Variants in DMD observed in about 807,000 individuals in gnomAD.
DMD encodes the protein mutant dystrophin.
In DMD, 63 loss-of-function variants were observed where a neutral mutation model predicts 330.1. That is an observed-to-expected ratio of 0.19 (90% CI 0.16 to 0.24). The LOEUF is 0.24. DMD is among the 10% of genes least tolerant of loss of function. DMD has a pLI of 1.00. For missense variants in DMD, 3,344 were observed against 2,684.1 expected (o/e 1.25, Z -5.43); for synonymous variants, 1,223 against 959.8 (o/e 1.27, Z -5.07).
At chrX:31,593,383 T>C (rs1220793223) in intron 55 of DMD, among the ~76,000 whole-genome samples, 1 of 111,306 alleles carries the variant, frequency 9.0e-6, no homozygotes, top group East Asian at 2.8e-4. Context: ...GAGTAGTTTG[T>C]AAGAATTATG....
chrX:31,499,489 CTT>C (rs774151183), intron 56 of DMD, among the ~76,000 whole-genome samples: 13 of 83,641 alleles, frequency 1.6e-4, no homozygotes, highest in Admixed American at 1.4e-4. Flanking sequence ...GAATTCAGTT[CTT>C]TTTTTTTTTT....
chrX:32,736,267 C>A (rs1392367026), intron 7 of DMD, among the ~76,000 whole-genome samples: 2 of 111,389 alleles, frequency 1.8e-5, no homozygotes, highest in African/African-American at 3.3e-5. Context: ...CAGGAAACAA[C>A]AGGTGCTGGA....
chrX:32,335,984 TATATAACGTGTATATATAAC>T (rs2097710982), intron 41 of DMD, among the ~76,000 whole-genome samples: 2 of 32,491 alleles, frequency 6.2e-5, no homozygotes, highest in Non-Finnish European at 9.1e-5. Flanking sequence ...TAACATGTTA[TATATAACGTGTATATATAAC>T]GTTATATATA....
At chrX:32,609,728 G>A (rs1322412197) in intron 12 of DMD, among the ~76,000 whole-genome samples, 1 of 111,063 alleles carries the variant, frequency 9.0e-6, no homozygotes, top group Non-Finnish European at 1.9e-5. Flanking sequence ...GTTTCTAAGA[G>A]GCTACTTAGT....
intron 47 of DMD, among the ~76,000 whole-genome samples, chrX:31,901,448 C>A (rs974979358): frequency 9.0e-6 from 1 of 111,447 alleles, no homozygotes; most frequent in Admixed American, 9.6e-5. Flanking sequence ...TGGTCCAAGG[C>A]CATTTTGCTT....
chrX:32,628,339 G>T (rs1049005304), intron 11 of DMD, among the ~76,000 whole-genome samples: 1 of 67,554 alleles, frequency 1.5e-5, no homozygotes, highest in Non-Finnish European at 2.6e-5. Context: ...TTGTTTTTCT[G>T]TGCCGGGCTT....
At chrX:32,762,795 G>T (rs982075283) in intron 7 of DMD, among the ~76,000 whole-genome samples, 1 of 110,922 alleles carries the variant, frequency 9.0e-6, no homozygotes, top group Non-Finnish European at 1.9e-5. Flanking sequence ...ATTTTTCTAA[G>T]TACAATGTAG....
At chrX:33,143,076 A>G (rs754306891) in intron 1 of DMD, among the ~76,000 whole-genome samples, 4 of 111,823 alleles carry the variant, frequency 3.6e-5, no homozygotes, top group Non-Finnish European at 5.6e-5. Context: ...TATTATCATA[A>G]TCATCAAGGT....
intron 1 of DMD, among the ~76,000 whole-genome samples, chrX:33,287,034 A>G (rs2053443799): frequency 8.9e-6 from 1 of 111,932 alleles, no homozygotes; most frequent in African/African-American, 3.2e-5. Context: ...ACACGCTGCC[A>G]TGGAATGCCA....
intron 40 of DMD, chrX:32,342,748 AAATCTATAGAGAGTGAACACTG>A: frequency 1.0e-5 from 3 of 291,672 alleles, no homozygotes; most frequent in Non-Finnish European, 1.9e-5. Flanking sequence ...ATATGCAAAT[AAATCTATAGAGAGTGAACACTG>A]ATGTGTGAAG....
intron 16 of DMD, among the ~76,000 whole-genome samples, chrX:32,563,176 T>C (rs2051246013): frequency 9.2e-6 from 1 of 108,718 alleles, no homozygotes; most frequent in African/African-American, 3.4e-5. Context: ...CCATCTCTAC[T>C]AAAATTACAA....
intron 30 of DMD, among the ~76,000 whole-genome samples, chrX:32,409,511 A>C (rs1174390013): frequency 1.8e-5 from 2 of 111,633 alleles, no homozygotes; most frequent in African/African-American, 6.5e-5. Flanking sequence ...ATAAGAAAAA[A>C]CACACAGTGC....
At chrX:33,134,537 C>T (rs899363770) in intron 1 of DMD, among the ~76,000 whole-genome samples, 1 of 111,434 alleles carries the variant, frequency 9.0e-6, no homozygotes, top group African/African-American at 3.3e-5. Flanking sequence ...CTCACAGTGA[C>T]CACAGTTAAA....
chrX:31,334,535 A>G (rs1462295246), intron 61 of DMD, among the ~76,000 whole-genome samples: 1 of 111,382 alleles, frequency 9.0e-6, no homozygotes, highest in East Asian at 2.8e-4. Flanking sequence ...GTCATTTTTT[A>G]TAGGTCTGTC....
At chrX:31,587,673 A>G (rs1160765160) in intron 55 of DMD, among the ~76,000 whole-genome samples, 1 of 109,985 alleles carries the variant, frequency 9.1e-6, no homozygotes, top group Non-Finnish European at 1.9e-5. Flanking sequence ...AGCTTTGTTA[A>G]CTCCTCTCAC....
chrX:32,876,562 A>T (rs746619331), intron 2 of DMD, among the ~76,000 whole-genome samples: 1 of 111,696 alleles, frequency 9.0e-6, no homozygotes, highest in East Asian at 2.8e-4. Context: ...CTCCAAAAAA[A>T]GTCCCTCCTG....
At chrX:33,195,787 T>G (rs1187142362) in intron 1 of DMD, among the ~76,000 whole-genome samples, 1 of 106,645 alleles carries the variant, frequency 9.4e-6, no homozygotes, top group Non-Finnish European at 1.9e-5. Context: ...TGCATGCCAG[T>G]ATTCATAAGG....
At chrX:32,178,196 ATTT>A (rs10597296) in intron 44 of DMD, among the ~76,000 whole-genome samples, 32,146 of 100,530 alleles carry the variant, frequency 0.32, 4,365 homozygotes, top group Admixed American at 0.55. Flanking sequence ...TCTCAAGACC[ATTT>A]TTTTTTTTTT....
intron 53 of DMD, among the ~76,000 whole-genome samples, chrX:31,674,252 C>T (rs886179577): frequency 2.1e-4 from 24 of 112,190 alleles, no homozygotes; most frequent in African/African-American, 7.8e-4. Context: ...GGCACTACTT[C>T]CATATTTGAA....
Sources: allele counts gnomAD v4.1 joint callset (sites outside exome capture counted in the v4.1 genomes callset), GRCh38; gene constraint gnomAD v4.1.1; transcripts MANE v1.5; gene names NCBI Gene and HGNC (gene_info 2026-07-23, HGNC 2026-07-21).